RAB8A: variants seen among roughly 807,000 people sequenced by gnomAD.
RAB8A encodes the protein RAB8A, member RAS oncogene family.
A neutral mutation model predicts 29.2 loss-of-function variants in RAB8A; 5 were observed. The observed-to-expected ratio is 0.17, with a 90% confidence interval of 0.09 to 0.36. RAB8A has a LOEUF of 0.36. RAB8A is among the 10% of genes least tolerant of loss of function. The pLI is 1.00. For missense variants in RAB8A, 171 were observed against 272.2 expected, an observed-to-expected ratio of 0.63 and a Z score of 2.62; for synonymous variants, 108 against 99.9, an observed-to-expected ratio of 1.08 and a Z score of -0.49.
At chr19:16,130,577 G>A (rs2090920643) in intron 7 of RAB8A, among the ~76,000 whole-genome samples, 1 of 152,010 alleles carries the variant, frequency 6.6e-6, no homozygotes, top group African/African-American at 2.4e-5. Context: ...CAATAATTTG[G>A]GATTTTCTTG....
At position 16,125,306 on chromosome 19, in the gene RAB8A, G is replaced by T; in HGVS notation, c.247-164G>T. ...AGAAGGGCCACAGGGATGGAGAGGA[G>T]GGGGCTGGCTTCCGGGGCTCCACAG... On this transcript the variant is annotated intron_variant, in intron 3 of 7. Coordinates refer to ENST00000300935, the MANE Select transcript of RAB8A (RefSeq NM_005370.5). This position sits in a 1 kb window ranked among gnomAD's most constrained non-coding sequence, Gnocchi z 5.0. 4.7e-6 allele frequency: 3 copies of T among 639,810 alleles called. No homozygotes were observed. Among genetic ancestry groups the T allele is most frequent in the South Asian group, 1.8e-5 (1 of 55,974 alleles). The allele number at this position is 639,810 out of a possible 1,614,324, so 39.6% of individuals were successfully genotyped here. A position where few individuals can be genotyped will look rare whatever the true frequency, so the allele number is the denominator to read the frequency against.
rs780764109 is a variant in RAB8A at position 16,127,386 on chromosome 19, C to T, written c.325-51C>T. 2 of 1,255,910 alleles carry T rather than the reference C, an allele frequency of 1.6e-6. No individual in the cohort carries two copies. Among genetic ancestry groups the T allele is most frequent in the African/African-American group, 1.5e-5 (1 of 65,326 alleles). 77.8% of individuals were successfully genotyped at this position (1,255,910 alleles called of 1,614,324 possible). A position where few individuals can be genotyped will look rare whatever the true frequency, so the allele number is the denominator to read the frequency against. On this transcript the variant is annotated intron_variant, in intron 4 of 7. Coordinates refer to ENST00000300935, the MANE Select transcript of RAB8A (RefSeq NM_005370.5). The surrounding 1 kb of genome is among the most constrained non-coding windows in gnomAD (Gnocchi z 4.8). ...GACAGACTGTGTGTTGGCAGAGGCA[C>T]CTGGCCTGTGTCATCCGGTCTGATC...
chr19:16,130,024 G>A (rs996587028), intron 7 of RAB8A, among the ~76,000 whole-genome samples: 2 of 152,022 alleles, frequency 1.3e-5, no homozygotes, highest in African/African-American at 2.4e-5. Context: ...ACCTGCCCCC[G>A]CTCCACCCCA....
chr19:16,129,483 C>T (rs1332439552), intron 6 of RAB8A, 71 bp from the exon 7 acceptor site: 18 of 1,493,012 alleles, frequency 1.2e-5, no homozygotes, highest in African/African-American at 2.8e-5. Flanking sequence ...CTCACCACAC[C>T]CGCTGTACAC....
At chr19:16,119,305 A>C (rs2090862213) in intron 2 of RAB8A, among the ~76,000 whole-genome samples, 1 of 151,996 alleles carries the variant, frequency 6.6e-6, no homozygotes, top group African/African-American at 2.4e-5. Flanking sequence ...CCCCGGGTTC[A>C]AGTGATTCTC....
At chr19:16,120,640 T>C (rs930438031) in intron 2 of RAB8A, among the ~76,000 whole-genome samples, 2 of 149,224 alleles carry the variant, frequency 1.3e-5, no homozygotes, top group African/African-American at 5.0e-5. Flanking sequence ...AGACAGAGTC[T>C]TACTCTGTCA....
At position 16,127,284 on chromosome 19, in the gene RAB8A, G is replaced by C. The variant is rs2090906399; in HGVS notation, c.325-153G>C. ...CTGTGTGACATGGGGCCGGCTGCTT[G>C]GCCTCTCTGAGCTTCAGCTTGTCCC... On this transcript the variant is annotated intron_variant, in intron 4 of 7. Coordinates refer to ENST00000300935, the MANE Select transcript of RAB8A (RefSeq NM_005370.5). The surrounding 1 kb of genome is among the most constrained non-coding windows in gnomAD (Gnocchi z 4.8). Among the ~76,000 whole-genome samples the C allele has an allele frequency of 1.3e-5, 2 of 152,008 alleles. No individual in the cohort carries two copies. The highest frequency in any genetic ancestry group is 4.8e-5 in the African/African-American group (2 of 41,386).
intron 1 of RAB8A, among the ~76,000 whole-genome samples, chr19:16,115,972 G>T (rs1318878419): frequency 6.6e-6 from 1 of 152,192 alleles, no homozygotes; most frequent in Non-Finnish European, 1.5e-5. Context: ...GCTGGGTCTG[G>T]CTGTTTCTCA....
intron 2 of RAB8A, among the ~76,000 whole-genome samples, chr19:16,120,027 G>A (rs1404945193): frequency 6.6e-6 from 1 of 151,954 alleles, no homozygotes; most frequent in Non-Finnish European, 1.5e-5. Flanking sequence ...TGGCCAGGTT[G>A]GCTTCGAACC....
rs3745313 is a variant in RAB8A, at chr19:16,132,606, C to T, written c.*302C>T. 0.15 allele frequency: 56,273 copies of T among 365,258 alleles called. 5,049 individuals carry two copies. The highest frequency in any genetic ancestry group is 0.3 in the East Asian group (4,668 of 15,364). The allele number at this position is 365,258 out of a possible 1,614,324, so 22.6% of individuals were successfully genotyped here. ...GGAGTCAAGGTGTGACCGTCGACCA[C>T]AGCCAGTGTCAGGCCTCTGCCTCTG... On this transcript the variant is annotated 3_prime_UTR_variant, in exon 8 of 8. Transcript: ENST00000300935. This position sits in a 1 kb window ranked among gnomAD's most constrained non-coding sequence, Gnocchi z 5.6.
chr19:16,113,901 G>T (rs895765196), intron 1 of RAB8A, among the ~76,000 whole-genome samples: 1 of 152,012 alleles, frequency 6.6e-6, no homozygotes. Flanking sequence ...GACAATAAGG[G>T]GTTGTCACCA....
At position 16,127,435 on chromosome 19, in the gene RAB8A, A is replaced by G; in HGVS notation, c.325-2A>G. The G allele has an allele frequency of 6.7e-7, 1 of 1,484,432 alleles. No homozygotes were observed. The highest frequency in any genetic ancestry group is 8.9e-7 in the Non-Finnish European group (1 of 1,117,846). The allele number at this position is 1,484,432 out of a possible 1,614,324, so 92.0% of individuals were successfully genotyped here. On this transcript the variant is annotated splice_acceptor_variant, in intron 4 of 7. Coordinates refer to ENST00000300935, the MANE Select transcript of RAB8A (RefSeq NM_005370.5). LOFTEE classifies it high-confidence loss of function. This position sits in a 1 kb window ranked among gnomAD's most constrained non-coding sequence, Gnocchi z 4.8. ...TCCCCCGTCTGTCCCCCTCCCTCTC[A>G]GCACGCCTCTGCAGACGTCGAAAAG...
rs369791309 is a variant in RAB8A at position 16,117,947 on chromosome 19, G to C, written c.125-279G>C. Among the ~76,000 whole-genome samples the C allele has an allele frequency of 1.2e-4, 19 of 152,300 alleles. No homozygotes were observed. In the South Asian group the frequency reaches 3.9e-3, roughly 32 times the overall value. On this transcript the variant is annotated intron_variant, in intron 1 of 7. Transcript: ENST00000300935. ...AGACCCACTCCGTACAACTGCCTGG[G>C]GTGGGGAGGCGGGTTCAGCTGGCAG... is the stretch of plus-strand genomic sequence containing the variant.
Position 16,128,011 on chromosome 19 carries a change from C to T in RAB8A, c.415-15C>T, listed in dbSNP as rs2090909315. The T allele has an allele frequency of 6.2e-7, 1 of 1,613,958 alleles. No individual in the cohort carries two copies. Among genetic ancestry groups the T allele is most frequent in the Non-Finnish European group, 8.5e-7 (1 of 1,179,916 alleles). On this transcript the variant is annotated splice_polypyrimidine_tract_variant and intron_variant, in intron 5 of 7. Coordinates refer to ENST00000300935, the MANE Select transcript of RAB8A (RefSeq NM_005370.5). ...GCGGCTGGTGTGCTCATGCGTGTGC[C>T]TCCCTCTCTCACAGCTGGCCCTCGA...
At chr19:16,131,765 A>G (rs1205563369) in intron 7 of RAB8A, among the ~76,000 whole-genome samples, 1 of 148,636 alleles carries the variant, frequency 6.7e-6, no homozygotes, top group African/African-American at 2.5e-5. Context: ...TGGTTGGTTG[A>G]TTGGTTTGTT....
At chr19:16,118,341 A>G (rs1311641715) in intron 2 of RAB8A, 55 bp downstream of exon 2, 6 of 1,534,460 alleles carry the variant, frequency 3.9e-6, no homozygotes, top group African/African-American at 1.4e-5. Context: ...TTCAAGCCAG[A>G]AGCCCTTGGC....
At chr19:16,121,662 C>A in intron 2 of RAB8A, 88 bp from the exon 3 acceptor site, 1 of 1,235,166 alleles carries the variant, frequency 8.1e-7, no homozygotes, top group Non-Finnish European at 1.2e-6. Flanking sequence ...GTGAGAAAGC[C>A]AGGCATCCCG....
At chr19:16,116,854 C>T (rs1218401837) in intron 1 of RAB8A, among the ~76,000 whole-genome samples, 1 of 149,870 alleles carries the variant, frequency 6.7e-6, no homozygotes, top group Non-Finnish European at 1.5e-5. Flanking sequence ...AAGATCGCAC[C>T]ACTGCACTCC....
At chr19:16,118,180 G>C (rs1404056051) in intron 1 of RAB8A, 46 bp from the exon 2 acceptor site, 1 of 1,567,948 alleles carries the variant, frequency 6.4e-7, no homozygotes, top group Non-Finnish European at 8.7e-7. Context: ...GACACAACTT[G>C]GGAAATGGGC....
Sources: allele counts gnomAD v4.1 joint callset (sites outside exome capture counted in the v4.1 genomes callset), GRCh38; gene constraint gnomAD v4.1.1; non-coding constraint Gnocchi (gnomAD v3.1); transcripts MANE v1.5; gene names NCBI Gene and HGNC (gene_info 2026-07-23, HGNC 2026-07-21).